NCAPD3: variants seen among roughly 807,000 people sequenced by gnomAD.
NCAPD3 encodes non-SMC condensin II complex subunit D3.
In NCAPD3, 105 loss-of-function variants were observed where a neutral mutation model predicts 182.9. The observed-to-expected ratio is 0.57, with a 90% confidence interval of 0.49 to 0.68. The LOEUF is 0.68. NCAPD3 is among the 30% of genes least tolerant of loss of function. The probability of loss-of-function intolerance (pLI) is 0.00; values close to 1 mark genes in which losing one functional copy is unlikely to be tolerated. For synonymous variants in NCAPD3, 815 were observed against 679.9 expected (o/e 1.20, Z -3.09); for missense variants, 1,944 against 1,837.0 (o/e 1.06, Z -1.07).
At chr11:134,169,083 G>A in intron 24 of NCAPD3, 29 bp from the exon 25 acceptor site, 13 of 1,605,448 alleles carry the variant, frequency 8.1e-6, no homozygotes, top group Non-Finnish European at 1.0e-5. Context: ...CAAAGAGGGA[G>A]ACCCATTTGC....
In NCAPD3 at chr11:134,177,388, A is replaced by AC. The variant is rs1407446860; in HGVS notation, c.2851dup (p.Val951GlyfsTer3). The AC allele has an allele frequency of 6.2e-7, 1 of 1,614,110 alleles. No homozygotes were observed. Among genetic ancestry groups the AC allele is most frequent in the Non-Finnish European group, 8.5e-7 (1 of 1,180,050 alleles). On this transcript the variant is annotated frameshift_variant, in exon 23 of 35. Transcript: ENST00000534548. LOFTEE classifies it high-confidence loss of function. ...GTTGCGGACAGCCACGTCCTCACAC[A>AC]CCTCGAGCTCTCGCACCAGGGCTGG...
intron 23 of NCAPD3, among the ~76,000 whole-genome samples, chr11:134,176,639 G>T (rs538814006): frequency 6.6e-6 from 1 of 152,114 alleles, no homozygotes; most frequent in African/African-American, 2.4e-5. Flanking sequence ...TTTATAATAC[G>T]GTTCGTAATA....
At chr11:134,154,039 CTCAG>C (rs1565513161) in intron 32 of NCAPD3, 1 of 153,648 alleles carries the variant, frequency 6.5e-6, no homozygotes, top group Non-Finnish European at 1.4e-5. Flanking sequence ...TGAATTCTGG[CTCAG>C]TGTCTCACCA....
intron 24 of NCAPD3, among the ~76,000 whole-genome samples, chr11:134,169,443 T>C (rs771647593): frequency 6.6e-6 from 1 of 152,244 alleles, no homozygotes; most frequent in Non-Finnish European, 1.5e-5. Flanking sequence ...AAGGGATATC[T>C]GGCCTTCACC....
intron 11 of NCAPD3, 39 bp downstream of exon 11, chr11:134,203,615 A>G (rs1944792728): frequency 6.3e-7 from 1 of 1,597,628 alleles, no homozygotes; most frequent in African/African-American, 1.3e-5. Context: ...CTCAATGAGC[A>G]CAAGACCGGT....
At position 134,153,066 on chromosome 11, in the gene NCAPD3, A is replaced by C. The variant is rs1224835752; in HGVS notation, c.4389-14T>G. 6.2e-7 allele frequency: 1 copy of C among 1,609,990 alleles called. No individual in the cohort carries two copies. The highest frequency in any genetic ancestry group is 8.5e-7 in the Non-Finnish European group (1 of 1,176,980). ...GGCTGTGGGGGCCTAGGGAAAGGACATGTGCAGTCATTCTGGAACTCAGAA... is the reference window on the plus strand; with the variant it reads ...GGCTGTGGGGGCCTAGGGAAAGGACCTGTGCAGTCATTCTGGAACTCAGAA... On this transcript the variant is annotated splice_polypyrimidine_tract_variant and intron_variant, in intron 34 of 34. Transcript: ENST00000534548.
At position 134,152,158 on chromosome 11, in the gene NCAPD3, T is replaced by C. The variant is rs908903302; in HGVS notation, c.*786A>G. Among the ~76,000 whole-genome samples, 4 of 152,262 alleles carry C rather than the reference T, an allele frequency of 2.6e-5. No individual in the cohort carries two copies. The highest frequency in any genetic ancestry group is 5.9e-5 in the Non-Finnish European group (4 of 68,048). ...AGAGACTCAAGCTGTTCCCCCATCA[T>C]GGGAGCAGCCCTTAACAGAGGGCTG... On this transcript the variant is annotated 3_prime_UTR_variant, in exon 35 of 35. Transcript: ENST00000534548.
chr11:134,196,353 TA>T (rs1463268178), intron 13 of NCAPD3, among the ~76,000 whole-genome samples: 2 of 152,032 alleles, frequency 1.3e-5, no homozygotes. Flanking sequence ...GTAAAGAAAC[TA>T]AATTAGTGGC....
intron 24 of NCAPD3, among the ~76,000 whole-genome samples, chr11:134,170,505 T>C (rs1943981281): frequency 6.6e-6 from 1 of 152,266 alleles, no homozygotes; most frequent in African/African-American, 2.4e-5. Context: ...TAATCTACTA[T>C]GGCATGGCAG....
intron 13 of NCAPD3, among the ~76,000 whole-genome samples, chr11:134,202,539 A>T (rs1039812857): frequency 2.0e-5 from 3 of 151,908 alleles, no homozygotes; most frequent in Non-Finnish European, 4.4e-5. Context: ...CACCACGCCC[A>T]GCTGATTTTT....
intron 3 of NCAPD3, among the ~76,000 whole-genome samples, chr11:134,216,363 C>G (rs949348228): frequency 2.6e-5 from 4 of 152,168 alleles, no homozygotes; most frequent in Admixed American, 2.6e-4. Flanking sequence ...ATGTTCCACT[C>G]TCTCTCACCC....
intron 24 of NCAPD3, among the ~76,000 whole-genome samples, chr11:134,175,694 C>T (rs1944143677): frequency 6.6e-6 from 1 of 152,122 alleles, no homozygotes; most frequent in Non-Finnish European, 1.5e-5. Flanking sequence ...TTACAACAAA[C>T]TCTAGGGTAG....
chr11:134,208,987 T>G (rs976004209), intron 6 of NCAPD3, 36 bp from the exon 7 acceptor site: 9 of 1,510,112 alleles, frequency 6.0e-6, no homozygotes, highest in Non-Finnish European at 8.2e-6. Context: ...TTAATGGATA[T>G]GATTTTACTT....
At position 134,203,845 on chromosome 11, in the gene NCAPD3, T is replaced by A; in HGVS notation, c.1277A>T (p.Glu426Val). The change falls in exon 11 of 35, where the codon GAG (glutamate) becomes GTG (valine). Residue 426 changes from glutamate (E) to valine (V), a missense_variant. By Grantham distance (121) the Glu-to-Val change is moderately radical. Around this residue, in one of 3 missense-constraint regions of NCAPD3, gnomAD observed 1,803 missense variants for 1,674.6 expected, o/e 1.08. Coordinates refer to ENST00000534548, the MANE Select transcript of NCAPD3 (RefSeq NM_015261.3). ...CTCCAAGGAGAGGGTGTTATCCACCTCTCTTTCAGGCAGTTCTAACAGAGC... is the reference window on the plus strand; with the variant it reads ...CTCCAAGGAGAGGGTGTTATCCACCACTCTTTCAGGCAGTTCTAACAGAGC... ...VLALLELPER[E>V]VDNTLSLEHQ... is the part of the protein sequence containing the mutation. 1 of 1,614,082 alleles carries A rather than the reference T, an allele frequency of 6.2e-7. No homozygotes were observed. The highest frequency in any genetic ancestry group is 8.5e-7 in the Non-Finnish European group (1 of 1,179,980).
At position 134,185,509 on chromosome 11, in the gene NCAPD3, G is replaced by A. The variant is rs1944385327; in HGVS notation, c.2063C>T (p.Ala688Val). 1.3e-6 allele frequency: 2 copies of A among 1,588,184 alleles called. No individual in the cohort carries two copies. Among genetic ancestry groups the A allele is most frequent in the Non-Finnish European group, 1.7e-6 (2 of 1,170,116 alleles). ...SQELSRYLNK[A>V]FHIWSKKEKF... ...TTCTTTCTTGGACCAGATATGAAAA[G>A]CCTTATTTAAATATCGGCTGGAAAA... The change falls in exon 17 of 35, where the codon GCT (alanine) becomes GTT (valine). Residue 688 changes from alanine to valine, a missense_variant. Transcript: ENST00000534548.
At chr11:134,222,932 T>C (rs546489790) in intron 1 of NCAPD3, among the ~76,000 whole-genome samples, 1 of 152,220 alleles carries the variant, frequency 6.6e-6, no homozygotes, top group Non-Finnish European at 1.5e-5. Context: ...AGGTAGATAT[T>C]GTACTCCCCA....
intron 27 of NCAPD3, among the ~76,000 whole-genome samples, chr11:134,165,066 G>A (rs1379432690): frequency 6.6e-6 from 1 of 151,650 alleles, no homozygotes; most frequent in East Asian, 2.0e-4. Context: ...TTAGCTGAGG[G>A]GGAGCGGCAC....
intron 13 of NCAPD3, among the ~76,000 whole-genome samples, 170 bp from the exon 14 acceptor site, chr11:134,194,908 T>C (rs1259805165): frequency 6.6e-6 from 1 of 152,232 alleles, no homozygotes; most frequent in African/African-American, 2.4e-5. Context: ...TAATTAGGTA[T>C]TCACTGTAAT....
At chr11:134,220,185 T>TC (rs963603842) in intron 2 of NCAPD3, among the ~76,000 whole-genome samples, 1 of 151,618 alleles carries the variant, frequency 6.6e-6, no homozygotes, top group African/African-American at 2.4e-5. Context: ...TTTATATTTT[T>TC]CCTTTTTTTT....
Sources: allele counts gnomAD v4.1 joint callset (sites outside exome capture counted in the v4.1 genomes callset), GRCh38; gene constraint gnomAD v4.1.1; regional missense constraint gnomAD v4.1.1; transcripts MANE v1.5; gene names NCBI Gene and HGNC (gene_info 2026-07-23, HGNC 2026-07-21).